TMEM132C: variants seen among roughly 807,000 people sequenced by gnomAD.
The protein encoded by TMEM132C is transmembrane protein 132C.
In TMEM132C, 29 loss-of-function variants were observed where a neutral mutation model predicts 61.4. That is an observed-to-expected ratio of 0.47 (90% confidence interval 0.35 to 0.64). The LOEUF (loss-of-function observed/expected upper bound fraction) is 0.64, where lower values mean the gene tolerates loss of function less well. Among genes scored for constraint, TMEM132C ranks in the 30% least tolerant of loss-of-function variants. The pLI is 0.00. For synonymous variants in TMEM132C, 656 were observed against 633.1 expected (o/e 1.04, Z -0.54); for missense variants, 1,408 against 1,476.9 (o/e 0.95, Z 0.76).
At chr12:128,682,708 A>G (rs1178946716) in intron 5 of TMEM132C, among the ~76,000 whole-genome samples, 1 of 152,216 alleles carries the variant, frequency 6.6e-6, no homozygotes, top group African/African-American at 2.4e-5. Context: ...TGGTGTGCAC[A>G]CACTCTGTCA....
chr12:128,427,321 T>C (rs1869219311), intron 2 of TMEM132C, among the ~76,000 whole-genome samples: 2 of 152,090 alleles, frequency 1.3e-5, no homozygotes, highest in Non-Finnish European at 2.9e-5. Flanking sequence ...CCATTTCCTG[T>C]GCTCCTAGAG....
chr12:128,326,491 G>A lies in TMEM132C; in HGVS notation c.85+59004G>A, dbSNP rs1484224064. Among the ~76,000 whole-genome samples the A allele has an allele frequency of 5.3e-5, 8 of 152,326 alleles. No individual in the cohort carries two copies. In the East Asian group the frequency reaches 1.5e-3, roughly 29 times the overall value. On this transcript the variant is annotated intron_variant, in intron 1 of 8. Coordinates refer to ENST00000435159, the MANE Select transcript of TMEM132C (RefSeq NM_001136103.3). The surrounding 1 kb of genome is among the most constrained non-coding windows in gnomAD (Gnocchi z 5.6). ...TACAAATCATCCTGGTTCTCCAGAG[G>A]GGTCTTGGTTTTCCATCCTGCCCTG...
chr12:128,568,926 A>G (rs1036839962), intron 3 of TMEM132C, among the ~76,000 whole-genome samples: 5 of 152,166 alleles, frequency 3.3e-5, no homozygotes, highest in African/African-American at 1.2e-4. Flanking sequence ...AAAAATATTT[A>G]CTGAGATCCT....
chr12:128,433,654 G>A (rs951608899), intron 2 of TMEM132C, among the ~76,000 whole-genome samples: 4 of 152,170 alleles, frequency 2.6e-5, no homozygotes, highest in Non-Finnish European at 5.9e-5. Context: ...AGTGTTGATA[G>A]GACCCTCAGA....
intron 8 of TMEM132C, 105 bp downstream of exon 8, chr12:128,697,520 C>A: frequency 8.5e-7 from 1 of 1,177,070 alleles, no homozygotes; most frequent in Non-Finnish European, 1.2e-6. Flanking sequence ...GTTAGCAGAA[C>A]CATGTTCCAC....
Position 128,346,701 on chromosome 12 carries a change from G to T in TMEM132C, c.86-68031G>T, listed in dbSNP as rs77798216. On this transcript the variant is annotated intron_variant, in intron 1 of 8. Coordinates refer to ENST00000435159, the MANE Select transcript of TMEM132C (RefSeq NM_001136103.3). ...AGGTTCCTGATTTGGCTCTTGTCTTGACTGTCGATGGCGTATAGGGATGTT... is the reference window on the plus strand; with the variant it reads ...AGGTTCCTGATTTGGCTCTTGTCTTTACTGTCGATGGCGTATAGGGATGTT... Among the ~76,000 whole-genome samples, 8 of 152,232 alleles carry T rather than the reference G, an allele frequency of 5.3e-5. No homozygotes were observed. In the East Asian group the frequency reaches 1.5e-3, roughly 29 times the overall value.
At chr12:128,475,054 C>G (rs112619387) in intron 2 of TMEM132C, among the ~76,000 whole-genome samples, 1 of 152,046 alleles carries the variant, frequency 6.6e-6, no homozygotes, top group Non-Finnish European at 1.5e-5. Flanking sequence ...GAGGCAGGGA[C>G]GTGAGGATGT....
At chr12:128,504,494 G>C (rs967116003) in intron 2 of TMEM132C, among the ~76,000 whole-genome samples, 3 of 152,184 alleles carry the variant, frequency 2.0e-5, no homozygotes, top group Admixed American at 1.3e-4. Context: ...AGTCTGGGCA[G>C]CTTAACCATC....
At position 128,705,240 on chromosome 12, in the gene TMEM132C, G is replaced by T. The variant is rs555787706; in HGVS notation, c.2272G>T (p.Val758Leu). The T allele has an allele frequency of 3.8e-5, 59 of 1,551,672 alleles. No homozygotes were observed. The African/African-American group carries it at 7.2e-4, about 19-fold the overall frequency. ...GCCCCGCTCTCCCAGGTGGCCCGTT[G>T]TGGTGGCCGAAGGGGAAGGCCAGGG... ...PQPRSPRWPV[V>L]VAEGEGQGPL... is the part of the protein sequence containing the mutation. Residue 758 changes from valine (V) to leucine (L), a missense_variant, in exon 9 of 9, where the codon GTG (valine) becomes TTG (leucine). Transcript: ENST00000435159.
intron 1 of TMEM132C, among the ~76,000 whole-genome samples, chr12:128,372,578 A>G (rs1267396819): frequency 6.6e-6 from 1 of 152,200 alleles, no homozygotes; most frequent in Non-Finnish European, 1.5e-5. Flanking sequence ...AAGCATTTGA[A>G]TGCTTATTAA....
At chr12:128,336,645 G>A (rs796406693) in intron 1 of TMEM132C, among the ~76,000 whole-genome samples, 5 of 152,282 alleles carry the variant, frequency 3.3e-5, no homozygotes, top group African/African-American at 1.2e-4. Context: ...ATAGTGATGA[G>A]AAACCATCTT....
chr12:128,623,468 C>CA (rs56335710), intron 4 of TMEM132C, among the ~76,000 whole-genome samples: 10,626 of 143,096 alleles, frequency 0.074, 1,279 homozygotes, highest in African/African-American at 0.25. Context: ...TGAAACCTGC[C>CA]AAAAAAAAAA....
At chr12:128,636,322 G>A (rs554935854) in intron 4 of TMEM132C, among the ~76,000 whole-genome samples, 1 of 152,274 alleles carries the variant, frequency 6.6e-6, no homozygotes, top group Non-Finnish European at 1.5e-5. Flanking sequence ...AAAGTGCTAA[G>A]GTAACAGGCG....
chr12:128,485,806 G>A (rs560164018), intron 2 of TMEM132C, among the ~76,000 whole-genome samples: 7 of 152,304 alleles, frequency 4.6e-5, no homozygotes, highest in African/African-American at 1.7e-4. Context: ...CATCCCACTG[G>A]ATGCAAATAT....
At chr12:128,494,811 AT>A (rs1377903095) in intron 2 of TMEM132C, among the ~76,000 whole-genome samples, 1 of 151,662 alleles carries the variant, frequency 6.6e-6, no homozygotes, top group Admixed American at 6.6e-5. Flanking sequence ...GGATTCATGG[AT>A]TTTTTGAAGG....
intron 2 of TMEM132C, among the ~76,000 whole-genome samples, chr12:128,421,024 A>G (rs1353572053): frequency 1.3e-5 from 2 of 152,114 alleles, no homozygotes; most frequent in Non-Finnish European, 2.9e-5. Context: ...GTAGCTTTAG[A>G]GGTACAAGTG....
intron 4 of TMEM132C, among the ~76,000 whole-genome samples, chr12:128,653,681 T>C (rs989936783): frequency 3.9e-4 from 59 of 152,304 alleles, no homozygotes; most frequent in Middle Eastern, 6.8e-3. Flanking sequence ...AAGTGCCGGC[T>C]CATTGGGCTG....
chr12:128,342,951 A>G (rs1459897865), intron 1 of TMEM132C, among the ~76,000 whole-genome samples: 1 of 152,238 alleles, frequency 6.6e-6, no homozygotes, highest in Non-Finnish European at 1.5e-5. Flanking sequence ...TGCAATCTTC[A>G]GGGGTTCTGA....
intron 2 of TMEM132C, among the ~76,000 whole-genome samples, chr12:128,496,122 G>T (rs1301221948): frequency 1.3e-5 from 2 of 152,060 alleles, no homozygotes; most frequent in Admixed American, 1.3e-4. Context: ...GAAATTCTGG[G>T]TTGAAAATTC....
Sources: allele counts gnomAD v4.1 joint callset (sites outside exome capture counted in the v4.1 genomes callset), GRCh38; gene constraint gnomAD v4.1.1; non-coding constraint Gnocchi (gnomAD v3.1); transcripts MANE v1.5; gene names NCBI Gene and HGNC (gene_info 2026-07-23, HGNC 2026-07-21).